Variants in KCNG1 observed in about 807,000 individuals in gnomAD.
KCNG1 encodes the protein voltage-gated potassium channel regulatory subunit KCNG1.
Under a neutral mutation model 32.4 loss-of-function variants are expected in KCNG1, and 17 were observed. The observed-to-expected ratio is 0.52, with a 90% CI of 0.36 to 0.79. The LOEUF is 0.79. Among genes scored for constraint, KCNG1 ranks in the 30% least tolerant of loss-of-function variants. The pLI, the probability that KCNG1 is intolerant of heterozygous loss-of-function variation, is 0.00. For missense variants in KCNG1, 441 were observed against 735.2 expected, an observed-to-expected ratio of 0.60 and a Z score of 4.63; for synonymous variants, 358 against 339.9, an observed-to-expected ratio of 1.05 and a Z score of -0.59.
At position 51,005,344 on chromosome 20, in the gene KCNG1, C is replaced by T. The variant is rs763239488; in HGVS notation, c.775-538G>A. On this transcript the variant is annotated intron_variant, in intron 2 of 2. Coordinates refer to ENST00000371571, the MANE Select transcript of KCNG1 (RefSeq NM_002237.4). This position sits in a 1 kb window ranked among gnomAD's most constrained non-coding sequence, Gnocchi z 4.0. Reference sequence around the variant, plus strand: ...TGGTTGCAGTCACCTCACCTCCCCGCTGGGCTCCCTCATCCCTGCAGTCCA... The same window carrying T: ...TGGTTGCAGTCACCTCACCTCCCCGTTGGGCTCCCTCATCCCTGCAGTCCA... 89 of 152,974 alleles carry T rather than the reference C, an allele frequency of 5.8e-4. No homozygotes were observed. The highest frequency in any genetic ancestry group is 1.1e-3 in the Non-Finnish European group (73 of 68,472). The allele number at this position is 152,974 out of a possible 1,614,324, so 9.5% of individuals were successfully genotyped here.
chr20:51,022,481 G>A (rs1988517293), intron 1 of KCNG1, among the ~76,000 whole-genome samples: 1 of 152,180 alleles, frequency 6.6e-6, no homozygotes, highest in Non-Finnish European at 1.5e-5. Flanking sequence ...CAGTGAATGA[G>A]CAAGTGACAC....
intron 1 of KCNG1, among the ~76,000 whole-genome samples, chr20:51,013,209 G>C (rs970400513): frequency 6.6e-6 from 1 of 152,156 alleles, no homozygotes; most frequent in Non-Finnish European, 1.5e-5. Flanking sequence ...GGCTGAGGCA[G>C]GAGAATCCCT....
intron 1 of KCNG1, among the ~76,000 whole-genome samples, chr20:51,017,762 G>T: frequency 6.6e-6 from 1 of 152,170 alleles, no homozygotes; most frequent in Non-Finnish European, 1.5e-5. Context: ...TCTCCCAGGG[G>T]CTGGAGGCAC....
rs1568808814 is a variant in KCNG1, at chr20:51,023,087, TCCC to T, written c.-247_-245del. The T allele has an allele frequency of 6.6e-6, 1 of 151,810 alleles. No individual in the cohort carries two copies. Among genetic ancestry groups the T allele is most frequent in the Non-Finnish European group, 1.5e-5 (1 of 67,908 alleles). 9.4% of individuals were successfully genotyped at this position (151,810 alleles called of 1,614,324 possible). On this transcript the variant is annotated 5_prime_UTR_variant, in exon 1 of 3. Transcript: ENST00000371571. ...CGGCCGCCCCGTCTCTGCCTCCCGG[TCCC>T]CGCCGGGCTCCGAGTGCGCCGGGAG...
intron 1 of KCNG1, among the ~76,000 whole-genome samples, chr20:51,011,351 GTATT>G (rs1203525201): frequency 6.7e-6 from 1 of 149,114 alleles, no homozygotes; most frequent in East Asian, 1.9e-4. Context: ...TTTTTTTTTG[GTATT>G]TATTTGGCTT....
Position 51,008,513 on chromosome 20 carries a change from C to T in KCNG1, c.774+1052G>A, listed in dbSNP as rs1054216583. Among the ~76,000 whole-genome samples, 13 of 150,570 alleles carry T rather than the reference C, an allele frequency of 8.6e-5. No homozygotes were observed. In the East Asian group the frequency reaches 1.4e-3, roughly 16 times the overall value. ...CCTGGCTAATTAAATTTTTTTTTTCCGTAAAGACGGGGTCTCACTACATTG... is the reference window on the plus strand; with the variant it reads ...CCTGGCTAATTAAATTTTTTTTTTCTGTAAAGACGGGGTCTCACTACATTG... On this transcript the variant is annotated intron_variant, in intron 2 of 2. Transcript: ENST00000371571.
intron 1 of KCNG1, among the ~76,000 whole-genome samples, chr20:51,018,626 A>T (rs897847134): frequency 1.3e-4 from 20 of 152,212 alleles, no homozygotes; most frequent in African/African-American, 4.6e-4. Flanking sequence ...CCTCCACTGC[A>T]AACTCACTAA....
rs1292714855 is a variant in KCNG1, at chr20:51,003,793, T to A, written c.*246A>T. 3.0e-6 allele frequency: 1 copy of A among 335,686 alleles called. No homozygotes were observed. Among genetic ancestry groups the A allele is most frequent in the Non-Finnish European group, 4.9e-6 (1 of 203,132 alleles). 20.8% of individuals were successfully genotyped at this position (335,686 alleles called of 1,614,324 possible). ...AGGGAAACACACATAGGGGCTGGGGTGGGCGGGGCTGGGCTGATGACCCAG... is the reference window on the plus strand; with the variant it reads ...AGGGAAACACACATAGGGGCTGGGGAGGGCGGGGCTGGGCTGATGACCCAG... On this transcript the variant is annotated 3_prime_UTR_variant, in exon 3 of 3. Coordinates refer to ENST00000371571, the MANE Select transcript of KCNG1 (RefSeq NM_002237.4).
rs1988249903 is a variant in KCNG1 at position 51,015,517 on chromosome 20, GC to G, written c.-26-5154del. Among the ~76,000 whole-genome samples, 1 of 152,224 alleles carries G rather than the reference GC, an allele frequency of 6.6e-6. No homozygotes were observed. The highest frequency in any genetic ancestry group is 2.1e-4 in the South Asian group (1 of 4,834). ...CTTTGACCTGGCTAGGCTGGCAGGG[GC>G]CGGAGGGCCAGGGTAGTAGAGCTAT... is the stretch of plus-strand genomic sequence containing the variant. On this transcript the variant is annotated intron_variant, in intron 1 of 2. Coordinates refer to ENST00000371571, the MANE Select transcript of KCNG1 (RefSeq NM_002237.4). This position sits in a 1 kb window ranked among gnomAD's most constrained non-coding sequence, Gnocchi z 4.4.
intron 2 of KCNG1, among the ~76,000 whole-genome samples, chr20:51,008,511 T>TC (rs1987926390): frequency 2.6e-5 from 4 of 151,402 alleles, no homozygotes; most frequent in Non-Finnish European, 5.9e-5. Flanking sequence ...ATTTTTTTTT[T>TC]CCGTAAAGAC....
At chr20:51,018,061 C>A (rs1287077471) in intron 1 of KCNG1, among the ~76,000 whole-genome samples, 1 of 152,164 alleles carries the variant, frequency 6.6e-6, no homozygotes, top group Non-Finnish European at 1.5e-5. Flanking sequence ...TCATTGAGAT[C>A]ATAAGGCGTT....
intron 1 of KCNG1, chr20:51,012,358 C>A (rs1170316174): frequency 6.6e-6 from 1 of 152,254 alleles, no homozygotes; most frequent in Admixed American, 6.5e-5. Flanking sequence ...ACGGCACTTA[C>A]CACCAGTTCT....
chr20:51,008,232 A>G (rs1190352385), intron 2 of KCNG1, among the ~76,000 whole-genome samples: 2 of 152,172 alleles, frequency 1.3e-5, no homozygotes, highest in Non-Finnish European at 2.9e-5. Flanking sequence ...GCCCCTGTGG[A>G]CTTGGATCTC....
intron 1 of KCNG1, among the ~76,000 whole-genome samples, chr20:51,020,185 C>T (rs1988424627): frequency 6.6e-6 from 1 of 152,208 alleles, no homozygotes; most frequent in Non-Finnish European, 1.5e-5. Flanking sequence ...AGCAAAATAA[C>T]ACCAAATGCA....
At chr20:51,008,370 G>A (rs181097391) in intron 2 of KCNG1, among the ~76,000 whole-genome samples, 54 of 152,172 alleles carry the variant, frequency 3.5e-4, no homozygotes, top group East Asian at 5.8e-4. Context: ...TCACTCTGTC[G>A]CCCAAGCAGG....
intron 1 of KCNG1, among the ~76,000 whole-genome samples, chr20:51,019,189 T>C (rs1020682488): frequency 7.9e-5 from 12 of 152,100 alleles, no homozygotes; most frequent in Admixed American, 3.3e-4. Flanking sequence ...AGTGAGTCAT[T>C]TGGTCTTCTG....
intron 1 of KCNG1, chr20:51,012,456 A>G (rs760215290): frequency 3.3e-5 from 5 of 152,208 alleles, no homozygotes; most frequent in Non-Finnish European, 7.3e-5. Context: ...CTGAATCCCT[A>G]TGCTCAGCAC....
At chr20:51,020,706 T>C (rs1426920927) in intron 1 of KCNG1, among the ~76,000 whole-genome samples, 1 of 152,182 alleles carries the variant, frequency 6.6e-6, no homozygotes, top group African/African-American at 2.4e-5. Flanking sequence ...ATGTTGACTC[T>C]TCATCAACAT....
In KCNG1 at chr20:51,004,911, C is replaced by T; in HGVS notation, c.775-105G>A. 1 of 1,248,570 alleles carries T rather than the reference C, an allele frequency of 8.0e-7. No individual in the cohort carries two copies. The highest frequency in any genetic ancestry group is 1.1e-6 in the Non-Finnish European group (1 of 925,734). 77.3% of individuals were successfully genotyped at this position (1,248,570 alleles called of 1,614,324 possible). A position where few individuals can be genotyped will look rare whatever the true frequency, so the allele number is the denominator to read the frequency against. ...GCTGGGCTTCCCAGGCGGAAGGTGA[C>T]CTCTCCAGGTTGAGTGGCCCCGGGT... On this transcript the variant is annotated intron_variant, in intron 2 of 2. Transcript: ENST00000371571. This position sits in a 1 kb window ranked among gnomAD's most constrained non-coding sequence, Gnocchi z 4.3.
Sources: gnomAD v4.1 joint callset for allele counts (sites outside exome capture counted in the v4.1 genomes callset) on GRCh38, gnomAD v4.1.1 for gene constraint, Gnocchi (gnomAD v3.1) non-coding constraint, MANE v1.5 for transcripts, NCBI Gene and HGNC (gene_info 2026-07-23, HGNC 2026-07-21) for gene names.